SDK1: variants seen among roughly 807,000 people sequenced by gnomAD.
The protein encoded by SDK1 is sidekick cell adhesion molecule 1.
SDK1 carries 157 observed loss-of-function variants against 245.5 expected under a neutral mutation model. The observed-to-expected ratio is 0.64, with a 90% CI of 0.56 to 0.73. The LOEUF (loss-of-function observed/expected upper bound fraction) is 0.73, where lower values mean the gene tolerates loss of function less well. Ranked by LOEUF, SDK1 falls within the 30% of genes least tolerant of loss-of-function variation. The pLI is 0.00. For synonymous variants in SDK1, 1,647 were observed against 1,278.5 expected, an observed-to-expected ratio of 1.29 and a Z score of -6.15; for missense variants, 3,583 against 3,002.3, an observed-to-expected ratio of 1.19 and a Z score of -4.52.
intron 1 of SDK1, among the ~76,000 whole-genome samples, chr7:3,304,225 C>G (rs1779357914): frequency 6.6e-6 from 1 of 152,180 alleles, no homozygotes; most frequent in Non-Finnish European, 1.5e-5. Context: ...GAGTTGTATG[C>G]TCTGCTTATT....
At chr7:3,384,880 G>A (rs1781572523) in intron 1 of SDK1, among the ~76,000 whole-genome samples, 1 of 152,194 alleles carries the variant, frequency 6.6e-6, no homozygotes, top group Non-Finnish European at 1.5e-5. Context: ...AGCAGATAGT[G>A]AAATCAGAAA....
intron 5 of SDK1, among the ~76,000 whole-genome samples, chr7:3,881,096 T>G (rs1247480252): frequency 1.3e-5 from 2 of 152,144 alleles, no homozygotes; most frequent in East Asian, 3.9e-4. Flanking sequence ...ATTTTTCATT[T>G]ATTTTCTTCA....
intron 22 of SDK1, among the ~76,000 whole-genome samples, chr7:4,106,937 C>G (rs1365189828): frequency 1.3e-5 from 2 of 151,888 alleles, no homozygotes; most frequent in African/African-American, 4.8e-5. Context: ...AGGAAGCCCC[C>G]AGGCCTCAGG....
chr7:4,087,852 G>C (rs1319302077), intron 22 of SDK1, among the ~76,000 whole-genome samples: 1 of 152,124 alleles, frequency 6.6e-6, no homozygotes, highest in Non-Finnish European at 1.5e-5. Context: ...GGGGTCAGTA[G>C]TACCATCTGC....
At chr7:3,879,887 C>T (rs1300882935) in intron 5 of SDK1, among the ~76,000 whole-genome samples, 1 of 152,104 alleles carries the variant, frequency 6.6e-6, no homozygotes. Context: ...GAGCTGATAC[C>T]ATATCTGTCT....
chr7:3,661,371 T>A (rs1039396445), intron 4 of SDK1, among the ~76,000 whole-genome samples: 2 of 152,202 alleles, frequency 1.3e-5, no homozygotes, highest in Non-Finnish European at 2.9e-5. Context: ...CTTGTGCTAA[T>A]TAAAGTTGGA....
intron 4 of SDK1, among the ~76,000 whole-genome samples, chr7:3,740,544 GC>G (rs942547156): frequency 6.6e-6 from 1 of 152,126 alleles, no homozygotes; most frequent in African/African-American, 2.4e-5. Context: ...GCTTTTGAAG[GC>G]AGCTTCTTGA....
chr7:4,247,965 G>A (rs1294975000), intron 44 of SDK1, among the ~76,000 whole-genome samples: 3 of 152,178 alleles, frequency 2.0e-5, no homozygotes, highest in Non-Finnish European at 4.4e-5. Flanking sequence ...CAGGCGGGCA[G>A]GATTGGATCT....
chr7:4,256,183 A>G (rs1319434173), intron 44 of SDK1, among the ~76,000 whole-genome samples: 2 of 152,194 alleles, frequency 1.3e-5, no homozygotes, highest in Non-Finnish European at 2.9e-5. Context: ...TCCTGTCAGA[A>G]GGCTGGGATT....
At chr7:3,977,330 GT>G (rs1783020693) in intron 13 of SDK1, among the ~76,000 whole-genome samples, 2 of 99,912 alleles carry the variant, frequency 2.0e-5, no homozygotes, top group Non-Finnish European at 2.2e-5. Context: ...CACGCAGAGG[GT>G]CCTCCAGAGA....
intron 35 of SDK1, among the ~76,000 whole-genome samples, chr7:4,199,288 T>C (rs1204165639): frequency 2.0e-5 from 3 of 152,144 alleles, no homozygotes; most frequent in Non-Finnish European, 4.4e-5. Context: ...TGATGGGGAC[T>C]CACTGTACGG....
chr7:4,128,190 C>T (rs755875654), intron 26 of SDK1, among the ~76,000 whole-genome samples: 3 of 152,332 alleles, frequency 2.0e-5, no homozygotes, highest in Admixed American at 6.5e-5. Flanking sequence ...ACCCGGCCAG[C>T]GAGGCCACGC....
intron 4 of SDK1, among the ~76,000 whole-genome samples, chr7:3,656,364 A>C (rs141466280): frequency 1.0e-3 from 153 of 152,244 alleles, no homozygotes; most frequent in African/African-American, 3.5e-3. Flanking sequence ...TTTCTGGACT[A>C]TTAGTGTCAG....
chr7:4,178,313 A>G (rs1190492522), intron 34 of SDK1, among the ~76,000 whole-genome samples, 172 bp from the exon 35 acceptor site: 2 of 152,158 alleles, frequency 1.3e-5, no homozygotes, highest in East Asian at 3.9e-4. Context: ...TTAATAGGAG[A>G]GAAGGAGGGT....
At chr7:3,741,006 C>T (rs1187124694) in intron 4 of SDK1, among the ~76,000 whole-genome samples, 2 of 152,272 alleles carry the variant, frequency 1.3e-5, no homozygotes, top group South Asian at 2.1e-4. Context: ...TATCAGGGAC[C>T]TATCCTTGTG....
intron 1 of SDK1, among the ~76,000 whole-genome samples, chr7:3,346,824 TA>T (rs1363781805): frequency 2.9e-3 from 242 of 83,856 alleles, no homozygotes; most frequent in Non-Finnish European, 4.0e-3. Context: ...TATATATATA[TA>T]TATTTTTTTT....
rs150758560 is a variant in SDK1, at chr7:4,137,144, A to G, written c.4228+4721A>G. ...AGTGCACAATTTATTAAAGGTTTGCAACTAGCTGGGCACGGTGGCACACAC... is the reference window on the plus strand; with the variant it reads ...AGTGCACAATTTATTAAAGGTTTGCGACTAGCTGGGCACGGTGGCACACAC... On this transcript the variant is annotated intron_variant, in intron 28 of 44. Coordinates refer to ENST00000404826, the MANE Select transcript of SDK1 (RefSeq NM_152744.4). 9.4e-3 allele frequency among the ~76,000 whole-genome samples: 1,437 copies of G among 152,330 alleles called. 30 individuals carry two copies. Among genetic ancestry groups the G allele is most frequent in the African/African-American group, 0.033 (1,353 of 41,574 alleles).
chr7:3,342,155 C>T (rs577378565), intron 1 of SDK1, among the ~76,000 whole-genome samples: 176 of 152,260 alleles, frequency 1.2e-3, no homozygotes, highest in African/African-American at 4.1e-3. Context: ...GATTATTCTT[C>T]TCAACAAATG....
At chr7:3,430,859 T>C (rs976589082) in intron 1 of SDK1, among the ~76,000 whole-genome samples, 1 of 152,208 alleles carries the variant, frequency 6.6e-6, no homozygotes, top group Admixed American at 6.5e-5. Flanking sequence ...CACTCACTTG[T>C]ATTCAGCTTT....
Sources: allele counts gnomAD v4.1 joint callset (sites outside exome capture counted in the v4.1 genomes callset), GRCh38; gene constraint gnomAD v4.1.1; transcripts MANE v1.5; gene names NCBI Gene and HGNC (gene_info 2026-07-23, HGNC 2026-07-21).